GPC3: variants seen among roughly 807,000 people sequenced by gnomAD.
The protein encoded by GPC3 is glypican-3.
In GPC3, 3 loss-of-function variants were observed where a neutral mutation model predicts 34.4. The observed-to-expected ratio is 0.09, with a 90% CI of 0.04 to 0.23. The LOEUF is 0.23. Ranked by LOEUF, GPC3 falls within the 10% of genes least tolerant of loss-of-function variation. GPC3 has a pLI of 1.00. For synonymous variants in GPC3, 177 were observed against 174.0 expected, an observed-to-expected ratio of 1.02 and a Z score of -0.13; for missense variants, 351 against 445.6, an observed-to-expected ratio of 0.79 and a Z score of 1.91.
At chrX:133,873,304 G>T (rs1315703888) in intron 2 of GPC3, among the ~76,000 whole-genome samples, 1 of 112,094 alleles carries the variant, frequency 8.9e-6, no homozygotes, top group Non-Finnish European at 1.9e-5. Context: ...GCATTCTTTT[G>T]CCAATGAACG....
intron 1 of GPC3, among the ~76,000 whole-genome samples, chrX:133,976,096 C>T (rs1436630714): frequency 8.9e-6 from 1 of 112,220 alleles, no homozygotes; most frequent in African/African-American, 3.2e-5. Flanking sequence ...ATATCAGTGA[C>T]GATTAGCTCT....
At chrX:133,776,494 CTGTA>C (rs765726312) in intron 2 of GPC3, among the ~76,000 whole-genome samples, 10 of 112,058 alleles carry the variant, frequency 8.9e-5, no homozygotes, top group African/African-American at 3.2e-4. Context: ...CAGGTCATGA[CTGTA>C]TGTGGAAAAT....
chrX:133,863,733 G>T (rs937433710), intron 2 of GPC3, among the ~76,000 whole-genome samples: 1 of 94,298 alleles, frequency 1.1e-5, no homozygotes, highest in Non-Finnish European at 2.0e-5. Flanking sequence ...TCGGCTCACT[G>T]CAAGCTCCGC....
At chrX:133,850,831 C>T (rs1406189407) in intron 2 of GPC3, among the ~76,000 whole-genome samples, 2 of 110,944 alleles carry the variant, frequency 1.8e-5, no homozygotes, top group Non-Finnish European at 3.8e-5. Flanking sequence ...GTGGCTCATG[C>T]CTGTAATCCC....
intron 2 of GPC3, among the ~76,000 whole-genome samples, chrX:133,917,611 G>A (rs2076230442): frequency 8.9e-6 from 1 of 111,955 alleles, no homozygotes; most frequent in African/African-American, 3.2e-5. Context: ...GTACTAATGA[G>A]CACCTAAAAC....
chrX:133,638,800 C>T (rs1254442819), intron 6 of GPC3, among the ~76,000 whole-genome samples: 13 of 101,592 alleles, frequency 1.3e-4, no homozygotes, highest in Non-Finnish European at 2.4e-4. Flanking sequence ...AATACACTAA[C>T]ACTAACAATA....
chrX:133,596,396 A>G, intron 7 of GPC3, 44 bp downstream of exon 7: 1 of 1,122,105 alleles, frequency 8.9e-7, no homozygotes, highest in Non-Finnish European at 1.2e-6. Context: ...ATTCCTGAGC[A>G]TCACCATTTT....
At chrX:133,621,495 G>A (rs1460183864) in intron 6 of GPC3, among the ~76,000 whole-genome samples, 2 of 112,262 alleles carry the variant, frequency 1.8e-5, no homozygotes, top group African/African-American at 6.5e-5. Flanking sequence ...TGGCACACCA[G>A]GAGATTATAT....
At chrX:133,714,804 T>C (rs998196001) in intron 3 of GPC3, among the ~76,000 whole-genome samples, 2 of 111,602 alleles carry the variant, frequency 1.8e-5, no homozygotes, top group Non-Finnish European at 3.8e-5. Flanking sequence ...TGGCTGAATG[T>C]CAGTAGGAAC....
intron 5 of GPC3, among the ~76,000 whole-genome samples, chrX:133,684,704 C>T (rs2070979476): frequency 9.0e-6 from 1 of 110,551 alleles, no homozygotes; most frequent in African/African-American, 3.3e-5. Context: ...GGAGAAAAGC[C>T]ACCCTATAAA....
intron 2 of GPC3, among the ~76,000 whole-genome samples, chrX:133,945,762 AAAAAG>A (rs1201165000): frequency 6.1e-4 from 68 of 110,912 alleles, no homozygotes; most frequent in Non-Finnish European, 9.8e-4. Flanking sequence ...TCAAAAAAAA[AAAAAG>A]AAAAGAAAAG....
At chrX:133,596,646 G>A (rs758823591) in intron 6 of GPC3, 47 bp from the exon 7 acceptor site, 2 of 1,133,655 alleles carry the variant, frequency 1.8e-6, no homozygotes, top group South Asian at 1.8e-5. Context: ...TATTTCTCAG[G>A]TGGGTCTGCA....
At chrX:133,632,090 C>G (rs1334411822) in intron 6 of GPC3, among the ~76,000 whole-genome samples, 4 of 110,203 alleles carry the variant, frequency 3.6e-5, no homozygotes, top group African/African-American at 1.3e-4. Flanking sequence ...ACATTTACCA[C>G]TTTAAAAATT....
chrX:133,829,362 G>T, intron 2 of GPC3, among the ~76,000 whole-genome samples: 1 of 112,366 alleles, frequency 8.9e-6, no homozygotes, highest in East Asian at 2.8e-4. Context: ...CAATTCAACA[G>T]TAATAGTTGG....
chrX:133,655,504 A>G (rs111951206), intron 6 of GPC3, among the ~76,000 whole-genome samples: 1 of 104,967 alleles, frequency 9.5e-6, no homozygotes, highest in Admixed American at 1.0e-4. Context: ...ACACACACAC[A>G]CCCACACACA....
At chrX:133,585,266 C>A (rs2069777414) in intron 7 of GPC3, among the ~76,000 whole-genome samples, 1 of 111,839 alleles carries the variant, frequency 8.9e-6, no homozygotes, top group Non-Finnish European at 1.9e-5. Context: ...CACATGCGTG[C>A]ACATGTGCAC....
At position 133,919,841 on chromosome X, in the gene GPC3, CA is replaced by C. The variant is rs35573322; in HGVS notation, c.337+33208del. ...TATGTGACAGAGCAAGATCCTGTCT[CA>C]AAAAAAAAAAAAAATCTGAGTTGAA... On this transcript the variant is annotated intron_variant, in intron 2 of 7. Coordinates refer to ENST00000370818, the MANE Select transcript of GPC3 (RefSeq NM_004484.4). Among the ~76,000 whole-genome samples, 778 of 82,465 alleles carry C rather than the reference CA, an allele frequency of 9.4e-3. 5 individuals carry two copies. Among genetic ancestry groups the C allele is most frequent in the African/African-American group, 0.023 (506 of 22,256 alleles). The allele number at this position is 82,465 out of a possible 115,157, so 71.6% of individuals were successfully genotyped here.
intron 2 of GPC3, among the ~76,000 whole-genome samples, chrX:133,907,690 A>T (rs1350234953): frequency 9.0e-6 from 1 of 111,646 alleles, no homozygotes; most frequent in Non-Finnish European, 1.9e-5. Context: ...CTACTATGGA[A>T]CATTTTGATT....
chrX:133,852,063 T>C (rs1416801706), intron 2 of GPC3, among the ~76,000 whole-genome samples: 3 of 112,432 alleles, frequency 2.7e-5, no homozygotes, highest in African/African-American at 9.7e-5. Context: ...ACGGCTTATA[T>C]ATATCCCTTC....
Sources: gnomAD v4.1 joint callset for allele counts (sites outside exome capture counted in the v4.1 genomes callset) on GRCh38, gnomAD v4.1.1 for gene constraint, MANE v1.5 for transcripts, NCBI Gene and HGNC (gene_info 2026-07-23, HGNC 2026-07-21) for gene names.